Variants in C2CD2 observed in about 807,000 individuals in gnomAD.
The protein encoded by C2CD2 is C2 domain-containing protein 2.
Under a neutral mutation model 74.3 loss-of-function variants are expected in C2CD2, and 43 were observed. The observed-to-expected ratio is 0.58, with a 90% CI of 0.45 to 0.75. The LOEUF (loss-of-function observed/expected upper bound fraction) is 0.75, where lower values mean the gene tolerates loss of function less well. C2CD2 is among the 30% of genes least tolerant of loss of function. C2CD2 has a pLI of 0.00. For synonymous variants in C2CD2, 422 were observed against 390.7 expected, an observed-to-expected ratio of 1.08 and a Z score of -0.94; for missense variants, 801 against 916.3, an observed-to-expected ratio of 0.87 and a Z score of 1.63.
intron 5 of C2CD2, among the ~76,000 whole-genome samples, chr21:41,915,598 G>T (rs150943336): frequency 2.0e-4 from 30 of 152,084 alleles, no homozygotes; most frequent in Non-Finnish European, 4.4e-4. Flanking sequence ...CACCACACCC[G>T]GCTAATTCTT....
In C2CD2 at chr21:41,923,797, A is replaced by G. The variant is rs940675370; in HGVS notation, c.379-1712T>C. Among the ~76,000 whole-genome samples the G allele has an allele frequency of 5.3e-5, 8 of 152,290 alleles. No individual in the cohort carries two copies. The highest frequency in any genetic ancestry group is 1.4e-4 in the African/African-American group (6 of 41,558). On this transcript the variant is annotated intron_variant, in intron 2 of 13. Transcript: ENST00000380486. The surrounding 1 kb of genome is among the most constrained non-coding windows in gnomAD (Gnocchi z 5.8). ...GATTCCTCTACAGAAGCTGATGTAG[A>G]ATGAGAGGTCAGACCCCTCCCCGCT...
rs451390 is a variant in C2CD2, at chr21:41,923,401, G to C, written c.379-1316C>G. Reference sequence around the variant, plus strand: ...ATACACAGTCAAAGCCATTAGCCAAGTTCTTTTGCTAAAAATGAGTCTTAA... The same window carrying C: ...ATACACAGTCAAAGCCATTAGCCAACTTCTTTTGCTAAAAATGAGTCTTAA... On this transcript the variant is annotated intron_variant, in intron 2 of 13. Coordinates refer to ENST00000380486, the MANE Select transcript of C2CD2 (RefSeq NM_015500.2). The surrounding 1 kb of genome is among the most constrained non-coding windows in gnomAD (Gnocchi z 5.8). Among the ~76,000 whole-genome samples, 10,985 of 152,172 alleles carry C rather than the reference G, an allele frequency of 0.072. 1,137 individuals carry two copies. Among genetic ancestry groups the C allele is most frequent in the African/African-American group, 0.23 (9,363 of 41,504 alleles).
In C2CD2 at chr21:41,899,142, C is replaced by A. The variant is rs1159817354; in HGVS notation, c.1781G>T (p.Ser594Ile). The change falls in exon 13 of 14, where the codon AGC (serine) becomes ATC (isoleucine). Residue 594 changes from serine (S) to isoleucine (I), a missense_variant. Physicochemically the swap from Ser to Ile is moderately radical, Grantham distance 142. Coordinates refer to ENST00000380486, the MANE Select transcript of C2CD2 (RefSeq NM_015500.2). This position sits in a 1 kb window ranked among gnomAD's most constrained non-coding sequence, Gnocchi z 4.4. ...GTCGGGGTCCAGCAGGACCTGGCTG[C>A]TCCATGCCGCGGCCTGTGGCTCCTT... ...LEKEPQAAAW[S>I]SQVLLDPDGD... 6.2e-7 allele frequency: 1 copy of A among 1,613,706 alleles called. No homozygotes were observed. Among genetic ancestry groups the A allele is most frequent in the African/African-American group, 1.3e-5 (1 of 74,930 alleles).
intron 6 of C2CD2, among the ~76,000 whole-genome samples, chr21:41,912,648 G>T (rs1044823867): frequency 3.3e-5 from 5 of 151,986 alleles, no homozygotes; most frequent in African/African-American, 4.8e-5. Flanking sequence ...ACGCCTCCAC[G>T]CTCAGCTAAT....
At chr21:41,904,551 G>A (rs776087943) in intron 11 of C2CD2, among the ~76,000 whole-genome samples, 3 of 152,174 alleles carry the variant, frequency 2.0e-5, no homozygotes, top group African/African-American at 4.8e-5. Flanking sequence ...TCTAGATCAA[G>A]ATCCTTTTCT....
rs371526474 is a variant in C2CD2 at position 41,918,344 on chromosome 21, G to A, written c.598-117C>T. 17 of 1,115,332 alleles carry A rather than the reference G, an allele frequency of 1.5e-5. No homozygotes were observed. In the East Asian group the frequency reaches 2.6e-4, roughly 17 times the overall value. The allele number at this position is 1,115,332 out of a possible 1,614,324, so 69.1% of individuals were successfully genotyped here. A position where few individuals can be genotyped will look rare whatever the true frequency, so the allele number is the denominator to read the frequency against. On this transcript the variant is annotated intron_variant, in intron 4 of 13. Transcript: ENST00000380486. ...GTAGGAAGGAAGGAAATTACCTTCAGATTTTAGCTCTGTCTTTGCAAAAAC... is the reference window on the plus strand; with the variant it reads ...GTAGGAAGGAAGGAAATTACCTTCAAATTTTAGCTCTGTCTTTGCAAAAAC...
chr21:41,914,858 C>G, intron 5 of C2CD2, 137 bp from the exon 6 acceptor site: 1 of 648,484 alleles, frequency 1.5e-6, no homozygotes, highest in East Asian at 2.9e-5. Context: ...AGCCCGAGCT[C>G]TGGGATCTGC....
chr21:41,895,694 CA>C lies in C2CD2; in HGVS notation c.1870+3358del, dbSNP rs1370885649. On this transcript the variant is annotated intron_variant, in intron 13 of 13. Transcript: ENST00000380486. This position sits in a 1 kb window ranked among gnomAD's most constrained non-coding sequence, Gnocchi z 5.0. Reference sequence around the variant, plus strand: ...AAACAAATACGTGAAAGAATTTAAACATAATTAATCTAAATTATAGCTCTAA... The same window carrying C: ...AAACAAATACGTGAAAGAATTTAAACTAATTAATCTAAATTATAGCTCTAA... Among the ~76,000 whole-genome samples, 1 of 152,182 alleles carries C rather than the reference CA, an allele frequency of 6.6e-6. No individual in the cohort carries two copies. Among genetic ancestry groups the C allele is most frequent in the Non-Finnish European group, 1.5e-5 (1 of 68,036 alleles).
intron 1 of C2CD2, among the ~76,000 whole-genome samples, chr21:41,944,700 G>GT (rs2146230852): frequency 6.6e-6 from 1 of 152,206 alleles, no homozygotes; most frequent in South Asian, 2.1e-4. Context: ...ACAAATTCAG[G>GT]TATCTCTGCA....
At chr21:41,944,872 AAC>A (rs2065385885) in intron 1 of C2CD2, among the ~76,000 whole-genome samples, 1 of 152,210 alleles carries the variant, frequency 6.6e-6, no homozygotes, top group Non-Finnish European at 1.5e-5. Flanking sequence ...CAGATATTAA[AAC>A]AGACTATAGA....
At chr21:41,952,747 G>C (rs1396804832) in intron 1 of C2CD2, among the ~76,000 whole-genome samples, 2 of 152,350 alleles carry the variant, frequency 1.3e-5, no homozygotes, top group East Asian at 3.9e-4. Flanking sequence ...GTGGCACTGG[G>C]CAGGCTGCTT....
chr21:41,916,664 TACACACAC>T (rs10580778), intron 5 of C2CD2, among the ~76,000 whole-genome samples: 21,856 of 144,492 alleles, frequency 0.15, 1,728 homozygotes, highest in South Asian at 0.2. Context: ...GTGAGCTGAT[TACACACAC>T]ACACACACAC....
chr21:41,953,655 T>C lies in C2CD2; in HGVS notation c.-7A>G. ...CCAGCCGGGCCATGGCCATGGCGCA[T>C]CCCCGGCCCGCCTCGCCCCAACTTC... On this transcript the variant is annotated 5_prime_UTR_variant, in exon 1 of 14. It removes an upstream start codon present in the reference 5' UTR. Coordinates refer to ENST00000380486, the MANE Select transcript of C2CD2 (RefSeq NM_015500.2). 7.1e-7 allele frequency: 1 copy of C among 1,411,680 alleles called. No individual in the cohort carries two copies. Among genetic ancestry groups the C allele is most frequent in the Non-Finnish European group, 9.2e-7 (1 of 1,087,988 alleles). 87.4% of individuals were successfully genotyped at this position (1,411,680 alleles called of 1,614,324 possible).
chr21:41,943,744 C>T (rs1056142618), intron 1 of C2CD2, among the ~76,000 whole-genome samples: 9 of 152,194 alleles, frequency 5.9e-5, no homozygotes, highest in Admixed American at 6.5e-5. Flanking sequence ...CCCAATGACC[C>T]GCGTAAACCT....
chr21:41,946,948 G>A (rs1257180182), intron 1 of C2CD2, among the ~76,000 whole-genome samples: 2 of 152,146 alleles, frequency 1.3e-5, no homozygotes, highest in African/African-American at 4.8e-5. Context: ...GACTGCAGGT[G>A]ATGAAGAAGG....
intron 2 of C2CD2, among the ~76,000 whole-genome samples, chr21:41,938,167 GTA>G (rs369249753): frequency 9.6e-4 from 140 of 146,278 alleles, no homozygotes; most frequent in Middle Eastern, 7.1e-3. Context: ...TTCCACACGT[GTA>G]TATATATATA....
At chr21:41,948,255 C>T (rs1391699759) in intron 1 of C2CD2, among the ~76,000 whole-genome samples, 1 of 152,186 alleles carries the variant, frequency 6.6e-6, no homozygotes, top group Non-Finnish European at 1.5e-5. Flanking sequence ...ATGATTCACC[C>T]CACTGAGACC....
chr21:41,891,924 G>T (rs74369345), intron 13 of C2CD2, among the ~76,000 whole-genome samples: 1 of 152,146 alleles, frequency 6.6e-6, no homozygotes, highest in African/African-American at 2.4e-5. Flanking sequence ...CTGGCCTGGC[G>T]TCTGTATCCA....
intron 2 of C2CD2, among the ~76,000 whole-genome samples, chr21:41,936,812 T>C (rs893120002): frequency 2.1e-5 from 3 of 145,002 alleles, no homozygotes; most frequent in Admixed American, 7.3e-5. Flanking sequence ...TGATTTTCTT[T>C]TCCTTTTTTT....
Sources: gnomAD v4.1 joint callset for allele counts (sites outside exome capture counted in the v4.1 genomes callset) on GRCh38, gnomAD v4.1.1 for gene constraint, Gnocchi (gnomAD v3.1) non-coding constraint, MANE v1.5 for transcripts, NCBI Gene and HGNC (gene_info 2026-07-23, HGNC 2026-07-21) for gene names.